NPFFR1: variants seen among roughly 807,000 people sequenced by gnomAD.
The protein encoded by NPFFR1 is G-protein coupled receptor 147.
Under a neutral mutation model 12.7 loss-of-function variants are expected in NPFFR1, and 17 were observed. That is an observed-to-expected ratio of 1.34 (90% CI 0.92 to 2.01). The LOEUF is 2.01. NPFFR1 is among the 30% of genes most tolerant of loss of function. NPFFR1 has a pLI of 0.00. For synonymous variants in NPFFR1, 296 were observed against 264.5 expected (o/e 1.12, Z -1.16); for missense variants, 604 against 606.5 (o/e 1.00, Z 0.04).
At chr10:70,266,574 C>A (rs1840693952) in intron 1 of NPFFR1, among the ~76,000 whole-genome samples, 183 bp from the exon 2 acceptor site, 1 of 152,204 alleles carries the variant, frequency 6.6e-6, no homozygotes, top group African/African-American at 2.4e-5. Flanking sequence ...CCACTCAAAC[C>A]CTGGTCTTGT....
chr10:70,277,432 T>G (rs974921692), intron 1 of NPFFR1, among the ~76,000 whole-genome samples: 3 of 152,154 alleles, frequency 2.0e-5, no homozygotes, highest in African/African-American at 7.2e-5. Context: ...AGGATGATGA[T>G]ATGCTTTGTG....
intron 1 of NPFFR1, chr10:70,277,894 G>T: frequency 1.2e-5 from 6 of 513,766 alleles, no homozygotes; most frequent in South Asian, 8.5e-5. Flanking sequence ...CAACTCTGCA[G>T]GGGGCTTGGC....
chr10:70,255,163 G>C lies in NPFFR1; in HGVS notation c.1087C>G (p.Arg363Gly). Reference protein sequence around the residue: ...SGSHKEAYSERPGGLLHRRVF... With the variant: ...SGSHKEAYSEGPGGLLHRRVF... ...CGCCTGTGCAGAAGCCCGCCGGGCCGCTCGGAGTAGGCCTCCTTGTGGCTC... is the reference window on the plus strand; with the variant it reads ...CGCCTGTGCAGAAGCCCGCCGGGCCCCTCGGAGTAGGCCTCCTTGTGGCTC... The change falls in exon 4 of 4, where the codon CGG becomes GGG. Residue 363 changes from arginine to glycine, a missense_variant. Transcript: ENST00000277942. This position sits in a 1 kb window ranked among gnomAD's most constrained non-coding sequence, Gnocchi z 4.2. The C allele has an allele frequency of 6.5e-7, 1 of 1,543,184 alleles. No homozygotes were observed. Among genetic ancestry groups the C allele is most frequent in the African/African-American group, 1.4e-5 (1 of 73,014 alleles).
At chr10:70,278,351 C>T (rs1589916648) in intron 1 of NPFFR1, among the ~76,000 whole-genome samples, 1 of 148,260 alleles carries the variant, frequency 6.7e-6, no homozygotes, top group Non-Finnish European at 1.5e-5. Context: ...CCAGATCTCC[C>T]CCATCTTGAA....
intron 2 of NPFFR1, among the ~76,000 whole-genome samples, chr10:70,262,679 C>G (rs965149880): frequency 2.0e-5 from 3 of 152,196 alleles, no homozygotes; most frequent in Admixed American, 2.0e-4. Flanking sequence ...GAATCTGTGA[C>G]AGTGGGTTAG....
Position 70,254,935 on chromosome 10 carries a change from G to A in NPFFR1, c.*22C>T, listed in dbSNP as rs767022153. The A allele has an allele frequency of 1.1e-4, 160 of 1,401,894 alleles. No homozygotes were observed. Among genetic ancestry groups the A allele is most frequent in the Middle Eastern group, 1.9e-4 (1 of 5,394 alleles). The allele number at this position is 1,401,894 out of a possible 1,614,324, so 86.8% of individuals were successfully genotyped here. ...TGTCCAATCGGGGCCCTGAGGCAGC[G>A]TCCCGCCCTCCCTGGACCCCCTCAG... On this transcript the variant is annotated 3_prime_UTR_variant, in exon 4 of 4. Transcript: ENST00000277942.
intron 2 of NPFFR1, among the ~76,000 whole-genome samples, chr10:70,265,320 C>T (rs988896370): frequency 2.0e-5 from 3 of 152,210 alleles, no homozygotes; most frequent in Non-Finnish European, 4.4e-5. Context: ...TCTCTGAAAA[C>T]CAGTCCCTCA....
intron 1 of NPFFR1, among the ~76,000 whole-genome samples, chr10:70,266,965 T>C (rs1589913034): frequency 6.6e-6 from 1 of 152,368 alleles, no homozygotes; most frequent in East Asian, 1.9e-4. Flanking sequence ...TTGCACTCAA[T>C]GGTAACAGCT....
At chr10:70,256,178 A>T (rs1008027575) in intron 3 of NPFFR1, among the ~76,000 whole-genome samples, 1 of 149,232 alleles carries the variant, frequency 6.7e-6, no homozygotes, top group Non-Finnish European at 1.5e-5. Context: ...GGCTCAAGTG[A>T]TCCTCTCCTC....
Position 70,250,466 on chromosome 10 carries a change from T to A in NPFFR1, c.*4491A>T, listed in dbSNP as rs1012594547. On this transcript the variant is annotated 3_prime_UTR_variant, in exon 4 of 4. Transcript: ENST00000277942. ...TACATGAATGTTAATGGCAACATTATTAATAATAGCCAAAAACTGGTGACA... is the reference window on the plus strand; with the variant it reads ...TACATGAATGTTAATGGCAACATTAATAATAATAGCCAAAAACTGGTGACA... 5 of 152,200 alleles carry A rather than the reference T, an allele frequency of 3.3e-5. No homozygotes were observed. Among genetic ancestry groups the A allele is most frequent in the Non-Finnish European group, 1.5e-5 (1 of 68,042 alleles). The allele number at this position is 152,200 out of a possible 1,614,324, so 9.4% of individuals were successfully genotyped here.
chr10:70,265,934 T>C, intron 2 of NPFFR1, 143 bp downstream of exon 2: 2 of 692,262 alleles, frequency 2.9e-6, no homozygotes, highest in Non-Finnish European at 5.0e-6. Flanking sequence ...GCCCCAAGAC[T>C]GTCTTGAGAG....
Position 70,249,528 on chromosome 10 carries a change from G to A in NPFFR1, c.*5429C>T, listed in dbSNP as rs1384251842. On this transcript the variant is annotated 3_prime_UTR_variant, in exon 4 of 4. Transcript: ENST00000277942. ...GATGGAATCTCACTCTGTCACCTAG[G>A]CTGGAGTGCAGTGGCGCCATCTTGG... 1 of 151,818 alleles carries A rather than the reference G, an allele frequency of 6.6e-6. No homozygotes were observed. Among genetic ancestry groups the A allele is most frequent in the Admixed American group, 6.6e-5 (1 of 15,232 alleles). 9.4% of individuals were successfully genotyped at this position (151,818 alleles called of 1,614,324 possible).
Position 70,264,640 on chromosome 10 carries a change from C to T in NPFFR1, c.322+1437G>A, listed in dbSNP as rs546468995. On this transcript the variant is annotated intron_variant, in intron 2 of 3. Transcript: ENST00000277942. ...TGGGGTGTGGTGGGAAGTAAAAGTACGGGACTGGCTGTTTGGAACCTTAGC... is the reference window on the plus strand; with the variant it reads ...TGGGGTGTGGTGGGAAGTAAAAGTATGGGACTGGCTGTTTGGAACCTTAGC... Among the ~76,000 whole-genome samples, 6 of 152,120 alleles carry T rather than the reference C, an allele frequency of 3.9e-5. No homozygotes were observed. The South Asian group carries it at 8.3e-4, about 21-fold the overall frequency.
chr10:70,248,847 G>A lies in NPFFR1; in HGVS notation c.*6110C>T, dbSNP rs1840481684. 2 of 151,998 alleles carry A rather than the reference G, an allele frequency of 1.3e-5. No homozygotes were observed. Among genetic ancestry groups the A allele is most frequent in the African/African-American group, 4.8e-5 (2 of 41,396 alleles). 9.4% of individuals were successfully genotyped at this position (151,998 alleles called of 1,614,324 possible). On this transcript the variant is annotated 3_prime_UTR_variant, in exon 4 of 4. Coordinates refer to ENST00000277942, the MANE Select transcript of NPFFR1 (RefSeq NM_022146.5). ...TGAGTTAACCAGAAATTTAATTATTGAAATTCAATAGCATTTTGATATCTA... is the reference window on the plus strand; with the variant it reads ...TGAGTTAACCAGAAATTTAATTATTAAAATTCAATAGCATTTTGATATCTA...
chr10:70,283,649 C>A, intron 1 of NPFFR1, 21 bp downstream of exon 1: 1 of 1,534,572 alleles, frequency 6.5e-7, no homozygotes, highest in Non-Finnish European at 8.7e-7. Flanking sequence ...ACGGCTGGCC[C>A]CCAGCCCCAG....
At chr10:70,258,013 C>T (rs779031292) in intron 3 of NPFFR1, among the ~76,000 whole-genome samples, 10 of 151,144 alleles carry the variant, frequency 6.6e-5, no homozygotes, top group Non-Finnish European at 1.2e-4. Context: ...ACATTCCTTT[C>T]TGCTGAAATA....
intron 3 of NPFFR1, among the ~76,000 whole-genome samples, chr10:70,257,524 G>A (rs575684946): frequency 1.3e-5 from 2 of 152,352 alleles, no homozygotes; most frequent in South Asian, 4.1e-4. Context: ...GCGGAAAGCC[G>A]CGGGGACCTC....
intron 2 of NPFFR1, among the ~76,000 whole-genome samples, chr10:70,263,797 C>G (rs1840659172): frequency 6.6e-6 from 1 of 151,210 alleles, no homozygotes; most frequent in African/African-American, 2.4e-5. Flanking sequence ...AAAACCAACA[C>G]AAAACAAAAC....
In NPFFR1 at chr10:70,247,401, G is replaced by A. The variant is rs572509553; in HGVS notation, c.*7556C>T. 6.6e-5 allele frequency: 10 copies of A among 152,280 alleles called. No homozygotes were observed. The East Asian group carries it at 1.9e-3, about 29-fold the overall frequency. 9.4% of individuals were successfully genotyped at this position (152,280 alleles called of 1,614,324 possible). A position where few individuals can be genotyped will look rare whatever the true frequency, so the allele number is the denominator to read the frequency against. ...AATCATTTTGCAAAGACACGGACTA[G>A]AGAAGAATAAAAGAGGCAATTATGA... On this transcript the variant is annotated 3_prime_UTR_variant, in exon 4 of 4. Coordinates refer to ENST00000277942, the MANE Select transcript of NPFFR1 (RefSeq NM_022146.5).
Sources: gnomAD v4.1 joint callset for allele counts (sites outside exome capture counted in the v4.1 genomes callset) on GRCh38, gnomAD v4.1.1 for gene constraint, Gnocchi (gnomAD v3.1) non-coding constraint, MANE v1.5 for transcripts, NCBI Gene and HGNC (gene_info 2026-07-23, HGNC 2026-07-21) for gene names.